FER1L6: variants seen among roughly 807,000 people sequenced by gnomAD.
FER1L6 encodes fer-1-like protein 6.
Under a neutral mutation model 219.2 loss-of-function variants are expected in FER1L6, and 177 were observed. That is an observed-to-expected ratio of 0.81 (90% CI 0.71 to 0.91). The LOEUF (loss-of-function observed/expected upper bound fraction) is 0.91. Among genes scored for constraint, FER1L6 ranks in the 40% least tolerant of loss-of-function variants. The probability of loss-of-function intolerance (pLI) is 0.00; values close to 1 mark genes in which losing one functional copy is unlikely to be tolerated. For synonymous variants in FER1L6, 768 were observed against 824.3 expected (o/e 0.93, Z 1.17); for missense variants, 2,153 against 2,259.9 (o/e 0.95, Z 0.96).
At chr8:123,933,469 C>T (rs1230864505) in intron 1 of FER1L6, among the ~76,000 whole-genome samples, 1 of 152,008 alleles carries the variant, frequency 6.6e-6, no homozygotes, top group Non-Finnish European at 1.5e-5. Context: ...TCACTTTCCC[C>T]CTAGTGCATA....
At chr8:123,933,402 CTGTG>C (rs1384800333) in intron 1 of FER1L6, among the ~76,000 whole-genome samples, 1 of 90,766 alleles carries the variant, frequency 1.1e-5, no homozygotes, top group African/African-American at 6.2e-5. Flanking sequence ...GTGTGTGTGT[CTGTG>C]TGTGTGTAGC....
At chr8:123,920,106 C>A (rs1233664681) in intron 1 of FER1L6, among the ~76,000 whole-genome samples, 4 of 152,182 alleles carry the variant, frequency 2.6e-5, no homozygotes, top group African/African-American at 4.8e-5. Flanking sequence ...CCCTTCTGAG[C>A]CTGGGACACT....
intron 1 of FER1L6, among the ~76,000 whole-genome samples, chr8:123,927,814 G>A (rs138899458): frequency 6.6e-6 from 1 of 152,106 alleles, no homozygotes; most frequent in South Asian, 2.1e-4. Flanking sequence ...GAGCTGAATT[G>A]GTTTAGTTTG....
chr8:123,918,481 C>T (rs1563684905), intron 1 of FER1L6, among the ~76,000 whole-genome samples: 1 of 152,182 alleles, frequency 6.6e-6, no homozygotes, highest in African/African-American at 2.4e-5. Flanking sequence ...GCAATCGCAT[C>T]CTCAGGACAA....
intron 1 of FER1L6, among the ~76,000 whole-genome samples, chr8:123,936,250 G>A (rs994235505): frequency 3.9e-5 from 6 of 152,152 alleles, no homozygotes; most frequent in Admixed American, 6.5e-5. Flanking sequence ...AGAACCAGAA[G>A]ATAGACCACA....
At chr8:123,965,500 T>G (rs1186704815) in intron 3 of FER1L6, among the ~76,000 whole-genome samples, 2 of 152,244 alleles carry the variant, frequency 1.3e-5, no homozygotes, top group African/African-American at 4.8e-5. Flanking sequence ...TGAAATTTCA[T>G]GGAGATGGTA....
chr8:123,968,978 A>G (rs1239425179), intron 5 of FER1L6, among the ~76,000 whole-genome samples: 1 of 152,030 alleles, frequency 6.6e-6, no homozygotes, highest in African/African-American at 2.4e-5. Flanking sequence ...CTCAGTTCCC[A>G]AAACACACAA....
chr8:123,894,744 AAAG>A (rs986324328), intron 1 of FER1L6, among the ~76,000 whole-genome samples: 5 of 152,166 alleles, frequency 3.3e-5, no homozygotes, highest in African/African-American at 7.2e-5. Context: ...ATGACCCCTA[AAAG>A]AAGGAGGTAC....
At chr8:123,919,279 C>T (rs1373562270) in intron 1 of FER1L6, among the ~76,000 whole-genome samples, 1 of 152,246 alleles carries the variant, frequency 6.6e-6, no homozygotes, top group Non-Finnish European at 1.5e-5. Context: ...CCAGCTACCT[C>T]TTCTCATGCC....
At chr8:123,963,841 G>A (rs566063583) in intron 3 of FER1L6, among the ~76,000 whole-genome samples, 5 of 152,366 alleles carry the variant, frequency 3.3e-5, no homozygotes, top group African/African-American at 1.2e-4. Flanking sequence ...TAGCAATGAT[G>A]TGTAACAAAT....
intron 1 of FER1L6, among the ~76,000 whole-genome samples, chr8:123,854,840 G>A (rs529081425): frequency 3.9e-5 from 6 of 152,214 alleles, no homozygotes; most frequent in African/African-American, 1.2e-4. Context: ...CTGGCACTGC[G>A]TTTATTCTTC....
rs547742259 is a variant in FER1L6 at position 123,925,124 on chromosome 8, G to A, written c.-7-30868G>A. Among the ~76,000 whole-genome samples, 12 of 152,156 alleles carry A rather than the reference G, an allele frequency of 7.9e-5. No individual in the cohort carries two copies. The East Asian group carries it at 1.9e-3, about 24-fold the overall frequency. ...GGTACTGACAGAATGTTGATTTATCGATATGTAATGGACACTGAAAACAGT... is the reference window on the plus strand; with the variant it reads ...GGTACTGACAGAATGTTGATTTATCAATATGTAATGGACACTGAAAACAGT... On this transcript the variant is annotated intron_variant, in intron 1 of 40. Coordinates refer to ENST00000522917, the MANE Select transcript of FER1L6 (RefSeq NM_001039112.2).
rs974657777 is a variant in FER1L6, at chr8:124,097,547, C to T, written c.4784+188C>T. On this transcript the variant is annotated intron_variant, in intron 36 of 40. Coordinates refer to ENST00000522917, the MANE Select transcript of FER1L6 (RefSeq NM_001039112.2). Reference sequence around the variant, plus strand: ...GGCTTCTGAGTTTCCACTTCCTCATCTGAAAAATGCTGGTTAAGAGAAGGA... The same window carrying T: ...GGCTTCTGAGTTTCCACTTCCTCATTTGAAAAATGCTGGTTAAGAGAAGGA... Among the ~76,000 whole-genome samples the T allele has an allele frequency of 3.3e-5, 5 of 152,210 alleles. No homozygotes were observed. In the East Asian group the frequency reaches 5.8e-4, roughly 18 times the overall value.
chr8:123,940,378 C>T (rs1814188731), intron 1 of FER1L6, among the ~76,000 whole-genome samples: 1 of 152,074 alleles, frequency 6.6e-6, no homozygotes, highest in Non-Finnish European at 1.5e-5. Context: ...GACAGCGTCA[C>T]CCAGGTTGGA....
At chr8:124,083,877 A>T (rs553630085) in intron 33 of FER1L6, among the ~76,000 whole-genome samples, 196 of 152,288 alleles carry the variant, frequency 1.3e-3, no homozygotes, top group South Asian at 9.1e-3. Flanking sequence ...GGACATTTTA[A>T]CAGTACTGAT....
In FER1L6 at chr8:124,013,543, G is replaced by C; in HGVS notation, c.1922+12G>C. 6.4e-7 allele frequency: 1 copy of C among 1,573,594 alleles called. No homozygotes were observed. ...ATCAGTCGGAGCAGGTACCGGGAGA[G>C]ACAGCCGGCATAGGCGGAGCTGAGC... On this transcript the variant is annotated intron_variant, in intron 15 of 40. Transcript: ENST00000522917.
At chr8:124,119,227 AG>A (rs1286725264) in intron 40 of FER1L6, among the ~76,000 whole-genome samples, 1 of 152,204 alleles carries the variant, frequency 6.6e-6, no homozygotes. Flanking sequence ...TAGTTTCAAA[AG>A]GGGGTGAGTC....
At position 123,963,320 on chromosome 8, in the gene FER1L6, A is replaced by G. The variant is rs1586523579; in HGVS notation, c.119A>G (p.His40Arg). The G allele has an allele frequency of 6.2e-7, 1 of 1,614,106 alleles. No homozygotes were observed. Among genetic ancestry groups the G allele is most frequent in the Middle Eastern group, 1.7e-4 (1 of 6,060 alleles). ...DTEALQEEPS[H>R]QEGPRGDLVH... ...GAAGCACTGCAGGAGGAGCCTTCTC[A>G]CCAGGAAGGACCGAGAGGAGATTTG... is the stretch of plus-strand genomic sequence containing the variant. Residue 40 changes from histidine (H) to arginine (R), a missense_variant, in exon 3 of 41, where the codon CAC becomes CGC. His to Arg is a conservative substitution (Grantham distance 29). Coordinates refer to ENST00000522917, the MANE Select transcript of FER1L6 (RefSeq NM_001039112.2).
At chr8:124,040,055 T>A (rs551013439) in intron 20 of FER1L6, 49 bp downstream of exon 20, 1 of 1,611,202 alleles carries the variant, frequency 6.2e-7, no homozygotes, top group African/African-American at 1.3e-5. Context: ...AGCCTGCAAC[T>A]GACCCACAGA....
Sources: allele counts gnomAD v4.1 joint callset (sites outside exome capture counted in the v4.1 genomes callset), GRCh38; gene constraint gnomAD v4.1.1; transcripts MANE v1.5; gene names NCBI Gene and HGNC (gene_info 2026-07-23, HGNC 2026-07-21).